Variants in GALNT7 observed in about 807,000 individuals in gnomAD.
GALNT7 encodes the protein N-acetylgalactosaminyltransferase 7.
GALNT7 carries 60 observed loss-of-function variants against 82.1 expected under a neutral mutation model. That is an observed-to-expected ratio of 0.73 (90% CI 0.59 to 0.91). GALNT7 has a LOEUF of 0.91. Ranked by LOEUF, GALNT7 falls within the 40% of genes least tolerant of loss-of-function variation. GALNT7 has a pLI of 0.00. For synonymous variants in GALNT7, 243 were observed against 275.1 expected (o/e 0.88, Z 1.15); for missense variants, 660 against 804.2 (o/e 0.82, Z 2.17).
chr4:173,295,605 GTTTT>G, intron 4 of GALNT7, 79 bp downstream of exon 4: 2 of 1,413,476 alleles, frequency 1.4e-6, no homozygotes, highest in East Asian at 4.6e-5. Context: ...TCATTCTTCA[GTTTT>G]TTTAATTGAA....
intron 2 of GALNT7, among the ~76,000 whole-genome samples, chr4:173,288,031 C>G (rs1269421807): frequency 6.6e-6 from 1 of 151,972 alleles, no homozygotes; most frequent in Non-Finnish European, 1.5e-5. Context: ...CGCCTGTAAT[C>G]CCAGCACTTT....
chr4:173,210,706 G>T (rs1733252731), intron 1 of GALNT7, among the ~76,000 whole-genome samples: 1 of 152,090 alleles, frequency 6.6e-6, no homozygotes, highest in South Asian at 2.1e-4. Context: ...TACTAGGATT[G>T]CAGGGGTGAG....
intron 1 of GALNT7, among the ~76,000 whole-genome samples, chr4:173,238,861 T>G (rs981545128): frequency 1.3e-5 from 2 of 152,236 alleles, no homozygotes; most frequent in African/African-American, 4.8e-5. Flanking sequence ...CTATGATAAC[T>G]TTGATCTGCT....
At chr4:173,175,173 G>A (rs1026089775) in intron 1 of GALNT7, among the ~76,000 whole-genome samples, 1 of 152,140 alleles carries the variant, frequency 6.6e-6, no homozygotes, top group African/African-American at 2.4e-5. Flanking sequence ...TTTGAATTTC[G>A]ATTCTCATTC....
At chr4:173,296,808 G>C (rs1217002136) in intron 5 of GALNT7, among the ~76,000 whole-genome samples, 2 of 152,170 alleles carry the variant, frequency 1.3e-5, no homozygotes. Flanking sequence ...CAGTGAGGAA[G>C]TGGTTTTCCA....
At chr4:173,284,940 T>C (rs537182190) in intron 2 of GALNT7, among the ~76,000 whole-genome samples, 1 of 152,364 alleles carries the variant, frequency 6.6e-6, no homozygotes, top group South Asian at 2.1e-4. Context: ...TTACAAGTTT[T>C]GCTGAAGAGT....
intron 1 of GALNT7, among the ~76,000 whole-genome samples, chr4:173,193,560 A>G (rs929911899): frequency 1.3e-5 from 2 of 152,184 alleles, no homozygotes; most frequent in Non-Finnish European, 2.9e-5. Context: ...TTATTTTTCT[A>G]TAATTTTTTA....
chr4:173,298,290 C>A lies in GALNT7; in HGVS notation c.1141C>A (p.Pro381Thr). Reference protein sequence around the residue: ...EKRLRKTKTEPYRSPAMAGGL... With the variant: ...EKRLRKTKTETYRSPAMAGGL... ...GAGACTGAGAAAGACAAAAACTGAA[C>A]CGTATCGGTAATCACTAAATCACTT... Residue 381 changes from proline (P) to threonine (T), a missense_variant, in exon 6 of 12, where the codon CCG becomes ACG. Around this residue, in one of 2 missense-constraint regions of GALNT7, gnomAD observed 527 missense variants for 683.5 expected, o/e 0.77. Transcript: ENST00000265000. The A allele has an allele frequency of 6.4e-7, 1 of 1,560,518 alleles. No homozygotes were observed. The highest frequency in any genetic ancestry group is 1.2e-5 in the South Asian group (1 of 81,792).
At chr4:173,245,227 A>T (rs1734584119) in intron 1 of GALNT7, among the ~76,000 whole-genome samples, 2 of 152,106 alleles carry the variant, frequency 1.3e-5, no homozygotes, top group Admixed American at 1.3e-4. Flanking sequence ...AAAAAAAAAA[A>T]AAAAAACAAC....
chr4:173,297,634 CT>C (rs1736765768), intron 5 of GALNT7, among the ~76,000 whole-genome samples: 1 of 152,186 alleles, frequency 6.6e-6, no homozygotes, highest in Non-Finnish European at 1.5e-5. Context: ...CGTAAACAGG[CT>C]TTTCGGCTTT....
chr4:173,173,743 A>G (rs1269147033), intron 1 of GALNT7, among the ~76,000 whole-genome samples: 2 of 152,360 alleles, frequency 1.3e-5, no homozygotes, highest in East Asian at 3.9e-4. Flanking sequence ...CTCTCTGGAT[A>G]TGCAAATGCA....
At chr4:173,182,126 A>C (rs750283196) in intron 1 of GALNT7, among the ~76,000 whole-genome samples, 2 of 152,352 alleles carry the variant, frequency 1.3e-5, no homozygotes, top group Non-Finnish European at 2.9e-5. Context: ...GAATGGCTTG[A>C]AACATTTATT....
intron 1 of GALNT7, among the ~76,000 whole-genome samples, chr4:173,195,928 A>G (rs1732757708): frequency 6.6e-6 from 1 of 152,218 alleles, no homozygotes. Context: ...TGTACAGTCA[A>G]AAGAATAGCT....
chr4:173,211,215 A>C (rs767186855), intron 1 of GALNT7, among the ~76,000 whole-genome samples: 5 of 152,142 alleles, frequency 3.3e-5, no homozygotes, highest in Non-Finnish European at 7.4e-5. Flanking sequence ...TTATCTAGGG[A>C]TGCATGTTCA....
intron 1 of GALNT7, among the ~76,000 whole-genome samples, chr4:173,212,872 T>A (rs1733327152): frequency 6.6e-6 from 1 of 152,068 alleles, no homozygotes; most frequent in Admixed American, 6.6e-5. Flanking sequence ...CAAAAATAGG[T>A]TCCTTCAAGC....
chr4:173,317,618 T>G lies in GALNT7; in HGVS notation c.1609-16T>G. 1 of 1,505,386 alleles carries G rather than the reference T, an allele frequency of 6.6e-7. No homozygotes were observed. Among genetic ancestry groups the G allele is most frequent in the Non-Finnish European group, 9.2e-7 (1 of 1,081,938 alleles). 93.3% of individuals were successfully genotyped at this position (1,505,386 alleles called of 1,614,324 possible). A position where few individuals can be genotyped will look rare whatever the true frequency, so the allele number is the denominator to read the frequency against. On this transcript the variant is annotated splice_polypyrimidine_tract_variant and intron_variant, in intron 9 of 11. Coordinates refer to ENST00000265000, the MANE Select transcript of GALNT7 (RefSeq NM_017423.3). The stretch of plus-strand genomic sequence containing the variant: ...AAACTGTTGCCTGCTTTTTGCGTCT[T>G]TATTCATTTTTTTAGATCAGAGGCT...
At position 173,295,415 on chromosome 4, in the gene GALNT7, G is replaced by A; in HGVS notation, c.774G>A (p.Leu258=). The A allele has an allele frequency of 6.3e-7, 1 of 1,591,804 alleles. No homozygotes were observed. Among genetic ancestry groups the A allele is most frequent in the Non-Finnish European group, 8.6e-7 (1 of 1,160,300 alleles). Residue 258 remains leucine, a synonymous_variant, in exon 4 of 12, where the codon CTG becomes CTA. Transcript: ENST00000265000. ...TAACAGAACACTTAAAAGAAAAACTGGATGAATATATTAAGCTGTGGAATG... is the reference window on the plus strand; with the variant it reads ...TAACAGAACACTTAAAAGAAAAACTAGATGAATATATTAAGCTGTGGAATG... ...FSNKEHLKEK[L]DEYIKLWNGL...
chr4:173,200,744 C>T (rs1732919821), intron 1 of GALNT7, among the ~76,000 whole-genome samples: 1 of 152,184 alleles, frequency 6.6e-6, no homozygotes, highest in Admixed American at 6.5e-5. Context: ...CAGCCATTTC[C>T]ATTTTTTGTA....
chr4:173,206,765 T>G (rs28701034), intron 1 of GALNT7, among the ~76,000 whole-genome samples: 3,607 of 152,154 alleles, frequency 0.024, 113 homozygotes, highest in African/African-American at 0.071. Context: ...CTGGGGAAGG[T>G]TGGGGAGGGG....
Sources: gnomAD v4.1 joint callset for allele counts (sites outside exome capture counted in the v4.1 genomes callset) on GRCh38, gnomAD v4.1.1 for gene constraint, gnomAD v4.1.1 regional missense constraint, MANE v1.5 for transcripts, NCBI Gene and HGNC (gene_info 2026-07-23, HGNC 2026-07-21) for gene names.